GALNTL6: variants seen among roughly 807,000 people sequenced by gnomAD.
GALNTL6 encodes the protein polypeptide N-acetylgalactosaminyltransferase like 6.
GALNTL6 carries 46 observed loss-of-function variants against 73.7 expected under a neutral mutation model. The observed-to-expected ratio is 0.62, with a 90% CI of 0.49 to 0.80. The LOEUF (loss-of-function observed/expected upper bound fraction) is 0.80. Ranked by LOEUF, GALNTL6 falls within the 30% of genes least tolerant of loss-of-function variation. GALNTL6 has a pLI of 0.00. For synonymous variants in GALNTL6, 259 were observed against 263.7 expected, an observed-to-expected ratio of 0.98 and a Z score of 0.17; for missense variants, 604 against 755.0, an observed-to-expected ratio of 0.80 and a Z score of 2.34.
chr4:172,825,574 C>CT (rs1290235633), intron 7 of GALNTL6, among the ~76,000 whole-genome samples: 1 of 152,178 alleles, frequency 6.6e-6, no homozygotes, highest in Non-Finnish European at 1.5e-5. Flanking sequence ...AGCTTAGGAT[C>CT]TCCCAGCCTG....
chr4:171,994,566 T>C (rs1030442493), intron 2 of GALNTL6, among the ~76,000 whole-genome samples: 9 of 151,956 alleles, frequency 5.9e-5, no homozygotes, highest in Admixed American at 4.6e-4. Context: ...ACTGGGTACA[T>C]TGTACACTGC....
At chr4:172,933,921 T>C (rs1250818554) in intron 9 of GALNTL6, among the ~76,000 whole-genome samples, 1 of 152,246 alleles carries the variant, frequency 6.6e-6, no homozygotes, top group Non-Finnish European at 1.5e-5. Context: ...TTCACATTGA[T>C]GATTCCAAAA....
chr4:172,873,203 TC>T (rs1745032987), intron 7 of GALNTL6, among the ~76,000 whole-genome samples: 1 of 152,224 alleles, frequency 6.6e-6, no homozygotes, highest in African/African-American at 2.4e-5. Context: ...GAAAGACTCT[TC>T]CACCAGTGTC....
chr4:172,626,846 A>G lies in GALNTL6; in HGVS notation c.554-182515A>G, dbSNP rs112801346. 8.1e-3 allele frequency among the ~76,000 whole-genome samples: 1,234 copies of G among 152,226 alleles called. 12 individuals are homozygous for G. Among genetic ancestry groups the G allele is most frequent in the African/African-American group, 0.028 (1,174 of 41,556 alleles). On this transcript the variant is annotated intron_variant, in intron 5 of 12. Coordinates refer to ENST00000506823, the MANE Select transcript of GALNTL6 (RefSeq NM_001034845.3). ...ACTAATTTTTATAAATTTATTTTGT[A>G]TCTTGAAACTTTATTGAAATCATTT...
intron 2 of GALNTL6, among the ~76,000 whole-genome samples, chr4:171,981,012 G>A (rs1425676917): frequency 6.6e-6 from 1 of 152,136 alleles, no homozygotes; most frequent in East Asian, 1.9e-4. Flanking sequence ...TTAAAATTGT[G>A]AGCTGAAAAT....
chr4:173,035,063 A>C (rs1753629332), intron 12 of GALNTL6, among the ~76,000 whole-genome samples: 1 of 151,236 alleles, frequency 6.6e-6, no homozygotes, highest in African/African-American at 2.4e-5. Flanking sequence ...CCTCATCTAC[A>C]ATCTCATTGA....
intron 2 of GALNTL6, among the ~76,000 whole-genome samples, chr4:172,113,499 G>A (rs575535477): frequency 6.6e-6 from 1 of 151,888 alleles, no homozygotes; most frequent in Non-Finnish European, 1.5e-5. Flanking sequence ...TATATAAAAT[G>A]TTACAATGCA....
At chr4:171,845,017 T>C (rs1002390519) in intron 2 of GALNTL6, among the ~76,000 whole-genome samples, 1 of 152,164 alleles carries the variant, frequency 6.6e-6, no homozygotes. Flanking sequence ...TGAATAATAC[T>C]TAATGACCTT....
chr4:172,584,187 C>T (rs925832154), intron 5 of GALNTL6, among the ~76,000 whole-genome samples: 20 of 151,904 alleles, frequency 1.3e-4, no homozygotes, highest in African/African-American at 4.4e-4. Flanking sequence ...GAAGCACAAC[C>T]AAGACATTTC....
At chr4:171,988,536 A>G (rs557853916) in intron 2 of GALNTL6, among the ~76,000 whole-genome samples, 22 of 152,178 alleles carry the variant, frequency 1.4e-4, no homozygotes, top group Middle Eastern at 3.4e-3. Context: ...AGAATAGTGG[A>G]TTGTGGAGGG....
intron 2 of GALNTL6, among the ~76,000 whole-genome samples, chr4:171,906,944 AC>A (rs1191864287): frequency 6.6e-6 from 1 of 152,134 alleles, no homozygotes; most frequent in Non-Finnish European, 1.5e-5. Flanking sequence ...AAATTCAACA[AC>A]CCTTCATGCT....
chr4:172,285,423 T>C (rs756068688), intron 3 of GALNTL6, among the ~76,000 whole-genome samples: 3 of 152,204 alleles, frequency 2.0e-5, no homozygotes, highest in Non-Finnish European at 4.4e-5. Context: ...TTATAGTTAA[T>C]GCTTTCTCCT....
intron 5 of GALNTL6, among the ~76,000 whole-genome samples, chr4:172,401,959 A>G (rs1744058612): frequency 6.9e-6 from 1 of 144,506 alleles, no homozygotes; most frequent in African/African-American, 2.8e-5. Flanking sequence ...GGGGGGAGAG[A>G]GAGAGAGAGA....
chr4:172,860,718 A>G lies in GALNTL6; in HGVS notation c.924-22072A>G, dbSNP rs191274438. On this transcript the variant is annotated intron_variant, in intron 7 of 12. Transcript: ENST00000506823. ...TCTAAATAATATTTACGAGGAAAAT[A>G]TATATGAAAATGATGCCTAAAATTG... Among the ~76,000 whole-genome samples the G allele has an allele frequency of 5.9e-5, 9 of 152,328 alleles. No individual in the cohort carries two copies. In the East Asian group the frequency reaches 1.7e-3, roughly 29 times the overall value.
chr4:172,921,500 A>G (rs1747787073), intron 8 of GALNTL6, among the ~76,000 whole-genome samples: 1 of 152,236 alleles, frequency 6.6e-6, no homozygotes, highest in Non-Finnish European at 1.5e-5. Context: ...TTATGACAAA[A>G]GAAAAAAATG....
chr4:172,326,574 C>G (rs953361616), intron 4 of GALNTL6, among the ~76,000 whole-genome samples: 3 of 151,868 alleles, frequency 2.0e-5, no homozygotes, highest in African/African-American at 7.2e-5. Context: ...TACTTTTGAA[C>G]TTATTTGTGT....
At chr4:172,161,960 G>A (rs1734482551) in intron 2 of GALNTL6, among the ~76,000 whole-genome samples, 2 of 152,002 alleles carry the variant, frequency 1.3e-5, no homozygotes, top group South Asian at 4.1e-4. Flanking sequence ...TAGATAAGTG[G>A]TAAAAGTGAA....
In GALNTL6 at chr4:172,439,181, C is replaced by T. The variant is rs1005964671; in HGVS notation, c.553+90492C>T. The stretch of plus-strand genomic sequence containing the variant: ...CATTTCTCTCTCCCCTTCACACACA[C>T]ACACACACACACACACACACACACA... On this transcript the variant is annotated intron_variant, in intron 5 of 12. Coordinates refer to ENST00000506823, the MANE Select transcript of GALNTL6 (RefSeq NM_001034845.3). 7.9e-5 allele frequency among the ~76,000 whole-genome samples: 11 copies of T among 139,960 alleles called. No homozygotes were observed. The East Asian group carries it at 2.2e-3, about 28-fold the overall frequency. The allele number at this position is 139,960 out of a possible 152,430, so 91.8% of individuals were successfully genotyped here.
At chr4:172,486,514 G>T (rs1289557111) in intron 5 of GALNTL6, among the ~76,000 whole-genome samples, 1 of 152,146 alleles carries the variant, frequency 6.6e-6, no homozygotes, top group Non-Finnish European at 1.5e-5. Flanking sequence ...TGAGTGGAAG[G>T]ATAAAGTGGG....
Sources: allele counts gnomAD v4.1 joint callset (sites outside exome capture counted in the v4.1 genomes callset), GRCh38; gene constraint gnomAD v4.1.1; transcripts MANE v1.5; gene names NCBI Gene and HGNC (gene_info 2026-07-23, HGNC 2026-07-21).